PPP2R5C: variants seen among roughly 807,000 people sequenced by gnomAD.
The protein encoded by PPP2R5C is protein phosphatase 2 regulatory subunit B'gamma, also known as serine/threonine-protein phosphatase 2A 56 kDa regulatory subunit gamma isoform.
In PPP2R5C, 7 loss-of-function variants were observed where a neutral mutation model predicts 68.9. That is an observed-to-expected ratio of 0.10 (90% CI 0.06 to 0.19). PPP2R5C has a LOEUF of 0.19. Among genes scored for constraint, PPP2R5C ranks in the 10% least tolerant of loss-of-function variants. The pLI is 1.00. For missense variants in PPP2R5C, 348 were observed against 641.3 expected (o/e 0.54, Z 4.94); for synonymous variants, 210 against 222.2 (o/e 0.95, Z 0.49).
rs2140963989 is a variant in PPP2R5C at position 101,891,955 on chromosome 14, T to G, written c.690-1045T>G. Among the ~76,000 whole-genome samples, 1 of 152,314 alleles carries G rather than the reference T, an allele frequency of 6.6e-6. No individual in the cohort carries two copies. The highest frequency in any genetic ancestry group is 3.4e-3 in the Middle Eastern group (1 of 294). On this transcript the variant is annotated intron_variant, in intron 6 of 13. Transcript: ENST00000334743. The surrounding 1 kb of genome is among the most constrained non-coding windows in gnomAD (Gnocchi z 4.9). ...GGGAACAGCTTTCTGTTTTTTTGTT[T>G]GTTTTTTGTTTTTGTTTTTGAGATA...
Position 101,762,897 on chromosome 14 carries a change from T to C in PPP2R5C, c.28-8T>C, listed in dbSNP as rs751956763. On this transcript the variant is annotated splice_region_variant and splice_polypyrimidine_tract_variant and intron_variant, in intron 1 of 14. Coordinates refer to the PPP2R5C transcript ENST00000328724. ...GAAGACTAATTGACTTTGCTTGATG[T>C]TTACCAGGAATCACCAAAAGCAGGG... The C allele has an allele frequency of 2.5e-6, 4 of 1,578,496 alleles. No individual in the cohort carries two copies. The South Asian group carries it at 3.5e-5, about 14-fold the overall frequency.
intron 2 of PPP2R5C, among the ~76,000 whole-genome samples, chr14:101,783,507 C>T (rs940787406): frequency 1.3e-5 from 2 of 151,782 alleles, no homozygotes; most frequent in African/African-American, 2.4e-5. Flanking sequence ...ACTGGCTCCT[C>T]TCTCTGGTCT....
At chr14:101,836,489 T>C (rs2041111001) in intron 1 of PPP2R5C, 1 of 635,350 alleles carries the variant, frequency 1.6e-6, no homozygotes, top group Non-Finnish European at 2.9e-6. Flanking sequence ...AACTTATGTC[T>C]CATGCCAGGA....
At chr14:101,907,815 CCTT>C (rs1049829575) in intron 10 of PPP2R5C, among the ~76,000 whole-genome samples, 1 of 152,204 alleles carries the variant, frequency 6.6e-6, no homozygotes, top group Non-Finnish European at 1.5e-5. Flanking sequence ...CACCCTCTCT[CCTT>C]GTCCGCTCGA....
At chr14:101,765,060 G>C in intron 2 of PPP2R5C, 1 of 656,102 alleles carries the variant, frequency 1.5e-6, no homozygotes, top group South Asian at 1.6e-5. Context: ...TGAAATGTGT[G>C]TTTTGAAAGC....
At chr14:101,878,942 T>C (rs2140867707) in intron 2 of PPP2R5C, among the ~76,000 whole-genome samples, 1 of 152,364 alleles carries the variant, frequency 6.6e-6, no homozygotes, top group Non-Finnish European at 1.5e-5. Flanking sequence ...AGTTATCGCC[T>C]TTAACCACGA....
At chr14:101,907,115 G>C (rs1318932110) in intron 10 of PPP2R5C, among the ~76,000 whole-genome samples, 1 of 152,140 alleles carries the variant, frequency 6.6e-6, no homozygotes, top group Non-Finnish European at 1.5e-5. Context: ...ACTTTAAAAG[G>C]AAACTGTTGA....
rs148964589 is a variant in PPP2R5C, at chr14:101,900,366, T to C, written c.853-1353T>C. On this transcript the variant is annotated intron_variant, in intron 8 of 13. Coordinates refer to ENST00000334743, the Ensembl canonical transcript of PPP2R5C. ...GCTGGCCTGCTAAGCCATGAGTTGG[T>C]GCGATCTACTGAGCTGGAAATGACT... 6.8e-4 allele frequency among the ~76,000 whole-genome samples: 103 copies of C among 152,344 alleles called. 2 individuals are homozygous for C. The East Asian group carries it at 0.018, about 26-fold the overall frequency.
intron 1 of PPP2R5C, chr14:101,810,374 C>T: frequency 4.7e-6 from 1 of 210,786 alleles, no homozygotes; most frequent in Non-Finnish European, 9.5e-6. Context: ...GAAGGAGAGG[C>T]GGGCCTGTCG....
At chr14:101,889,458 G>C (rs10130643) in intron 5 of PPP2R5C, among the ~76,000 whole-genome samples, 1 of 152,130 alleles carries the variant, frequency 6.6e-6, no homozygotes, top group Admixed American at 6.5e-5. Context: ...TTCAGCAGAC[G>C]TGTTTTCAGC....
chr14:101,762,368 G>A (rs191544621), intron 1 of PPP2R5C, among the ~76,000 whole-genome samples: 2 of 152,284 alleles, frequency 1.3e-5, no homozygotes, highest in East Asian at 3.9e-4. Flanking sequence ...CGGGGGAAAG[G>A]GAGCGAGAAG....
At position 101,882,022 on chromosome 14, in the gene PPP2R5C, G is replaced by C; in HGVS notation, c.295-139G>C. 1.6e-6 allele frequency: 1 copy of C among 633,914 alleles called. No individual in the cohort carries two copies. Among genetic ancestry groups the C allele is most frequent in the Non-Finnish European group, 2.6e-6 (1 of 389,168 alleles). 39.3% of individuals were successfully genotyped at this position (633,914 alleles called of 1,614,324 possible). Reference sequence around the variant, plus strand: ...CAGGCTCTCTCTGAGGACCCACACAGCTTCTGCGTTTTGAGGATACGGAGG... The same window carrying C: ...CAGGCTCTCTCTGAGGACCCACACACCTTCTGCGTTTTGAGGATACGGAGG... On this transcript the variant is annotated intron_variant, in intron 2 of 13. Transcript: ENST00000334743. The surrounding 1 kb of genome is among the most constrained non-coding windows in gnomAD (Gnocchi z 4.9).
chr14:101,857,174 T>G (rs1247875715), intron 2 of PPP2R5C, among the ~76,000 whole-genome samples: 2 of 152,252 alleles, frequency 1.3e-5, no homozygotes, highest in East Asian at 1.9e-4. Context: ...TGTATTTCTA[T>G]TTATTATTTT....
chr14:101,873,046 T>G (rs1162790661), intron 2 of PPP2R5C, among the ~76,000 whole-genome samples: 1 of 151,492 alleles, frequency 6.6e-6, no homozygotes, highest in Non-Finnish European at 1.5e-5. Context: ...TTTCACACAT[T>G]TTTTTTAATT....
intron 3 of PPP2R5C, 140 bp downstream of exon 3, chr14:101,786,323 T>G (rs979521517): frequency 2.8e-6 from 2 of 720,198 alleles, no homozygotes; most frequent in Non-Finnish European, 4.2e-6. Context: ...GTTTTTTTTT[T>G]TTTAGGTTGA....
chr14:101,884,081 G>A (rs796867988), intron 5 of PPP2R5C, among the ~76,000 whole-genome samples: 38 of 152,316 alleles, frequency 2.5e-4, no homozygotes, highest in African/African-American at 8.4e-4. Context: ...GTGGCGGAAA[G>A]CCCAGGAGCC....
intron 8 of PPP2R5C, among the ~76,000 whole-genome samples, chr14:101,900,514 G>A (rs1371923296): frequency 2.0e-5 from 3 of 152,206 alleles, no homozygotes; most frequent in African/African-American, 4.8e-5. Flanking sequence ...CTAACGCACC[G>A]GATTGCACTT....
chr14:101,763,641 A>G (rs1176728187), intron 2 of PPP2R5C, among the ~76,000 whole-genome samples: 2 of 151,934 alleles, frequency 1.3e-5, no homozygotes, highest in Admixed American at 6.6e-5. Flanking sequence ...TTGGCCTCCT[A>G]AGGTGCTGGG....
chr14:101,910,549 T>G (rs1264934503), intron 11 of PPP2R5C, among the ~76,000 whole-genome samples: 1 of 152,210 alleles, frequency 6.6e-6, no homozygotes, highest in Non-Finnish European at 1.5e-5. Context: ...TCCTTGCCCC[T>G]GGGCCGGGTG....
Sources: allele counts gnomAD v4.1 joint callset (sites outside exome capture counted in the v4.1 genomes callset), GRCh38; gene constraint gnomAD v4.1.1; non-coding constraint Gnocchi (gnomAD v3.1); transcripts MANE v1.5; gene names NCBI Gene and HGNC (gene_info 2026-07-23, HGNC 2026-07-21).